The following GRM8 variants were observed in gnomAD, a reference collection of about 807,000 sequenced individuals.
The protein encoded by GRM8 is glutamate metabotropic receptor 8.
In GRM8, 47 loss-of-function variants were observed where a neutral mutation model predicts 87.2. That is an observed-to-expected ratio of 0.54 (90% CI 0.43 to 0.69). The LOEUF (loss-of-function observed/expected upper bound fraction) is 0.69. Ranked by LOEUF, GRM8 falls within the 30% of genes least tolerant of loss-of-function variation. The pLI is 0.00. For missense variants in GRM8, 1,019 were observed against 1,139.2 expected (o/e 0.89, Z 1.52); for synonymous variants, 396 against 404.5 (o/e 0.98, Z 0.25).
At chr7:126,628,253 G>A (rs1408984763) in intron 7 of GRM8, among the ~76,000 whole-genome samples, 1 of 151,864 alleles carries the variant, frequency 6.6e-6, no homozygotes, top group East Asian at 1.9e-4. Flanking sequence ...TCACTGTGTT[G>A]CCAGGATGGT....
chr7:127,108,395 G>C (rs1256299803), intron 2 of GRM8, among the ~76,000 whole-genome samples: 2 of 152,138 alleles, frequency 1.3e-5, no homozygotes, highest in Non-Finnish European at 2.9e-5. Flanking sequence ...AAATAAGTCA[G>C]CCATCTGACT....
At chr7:126,616,121 G>A (rs1396490906) in intron 7 of GRM8, among the ~76,000 whole-genome samples, 1 of 152,068 alleles carries the variant, frequency 6.6e-6, no homozygotes, top group Admixed American at 6.5e-5. Flanking sequence ...CCACATACTT[G>A]GAAGTAAAGC....
chr7:126,527,970 C>T (rs1814137289), intron 9 of GRM8, among the ~76,000 whole-genome samples: 1 of 152,152 alleles, frequency 6.6e-6, no homozygotes, highest in South Asian at 2.1e-4. Flanking sequence ...TTTTGGGAGG[C>T]TAAGGCGGGC....
At chr7:126,808,618 A>G (rs755722577) in intron 6 of GRM8, among the ~76,000 whole-genome samples, 2 of 152,206 alleles carry the variant, frequency 1.3e-5, no homozygotes, top group African/African-American at 2.4e-5. Flanking sequence ...CAAATAATGC[A>G]CAGATTGTTC....
chr7:126,803,920 A>G (rs1230331756), intron 6 of GRM8, among the ~76,000 whole-genome samples: 3 of 152,254 alleles, frequency 2.0e-5, no homozygotes, highest in African/African-American at 7.2e-5. Flanking sequence ...GCACATAGTA[A>G]ATCGTCACTA....
chr7:126,847,229 A>C (rs1176618873), intron 6 of GRM8, among the ~76,000 whole-genome samples: 1 of 152,226 alleles, frequency 6.6e-6, no homozygotes, highest in Non-Finnish European at 1.5e-5. Context: ...ATTTGTTCTT[A>C]TAGAACAACA....
At chr7:127,011,534 G>T (rs1814897348) in intron 3 of GRM8, among the ~76,000 whole-genome samples, 1 of 151,976 alleles carries the variant, frequency 6.6e-6, no homozygotes. Context: ...TTTACTCTGT[G>T]CCTGAAGCCT....
At chr7:127,233,568 G>A (rs1797818207) in intron 2 of GRM8, among the ~76,000 whole-genome samples, 1 of 151,378 alleles carries the variant, frequency 6.6e-6, no homozygotes, top group Admixed American at 6.6e-5. Context: ...GGAAGCAAGA[G>A]TAAGACACTA....
At chr7:126,815,896 A>C (rs939612389) in intron 6 of GRM8, among the ~76,000 whole-genome samples, 2 of 152,094 alleles carry the variant, frequency 1.3e-5, no homozygotes, top group African/African-American at 4.8e-5. Context: ...AATGATGACT[A>C]TATGTACAAC....
At chr7:126,484,439 T>C (rs10242041) in intron 9 of GRM8, among the ~76,000 whole-genome samples, 9,978 of 152,088 alleles carry the variant, frequency 0.066, 996 homozygotes, top group African/African-American at 0.22. Flanking sequence ...TATAGAAATA[T>C]TAATAAGAAG....
intron 6 of GRM8, among the ~76,000 whole-genome samples, chr7:126,779,391 T>C (rs1006598911): frequency 6.6e-6 from 1 of 152,144 alleles, no homozygotes; most frequent in African/African-American, 2.4e-5. Flanking sequence ...ATGCCAATGC[T>C]ACATTTTTAT....
intron 2 of GRM8, among the ~76,000 whole-genome samples, chr7:127,192,655 G>A (rs1795086064): frequency 6.6e-6 from 1 of 152,174 alleles, no homozygotes; most frequent in African/African-American, 2.4e-5. Flanking sequence ...AGGAACCCCT[G>A]GTACCACTGA....
At chr7:126,450,218 CT>C (rs1802464224) in intron 9 of GRM8, among the ~76,000 whole-genome samples, 1 of 151,766 alleles carries the variant, frequency 6.6e-6, no homozygotes, top group Non-Finnish European at 1.5e-5. Context: ...CAGTCTTTTG[CT>C]TTCAACCAGC....
At chr7:126,955,889 A>G (rs1292250715) in intron 3 of GRM8, among the ~76,000 whole-genome samples, 1 of 152,120 alleles carries the variant, frequency 6.6e-6, no homozygotes, top group East Asian at 1.9e-4. Context: ...GATGTTTGCT[A>G]TGGGGGATTT....
intron 7 of GRM8, among the ~76,000 whole-genome samples, chr7:126,723,319 A>T (rs895351079): frequency 5.3e-5 from 8 of 152,076 alleles, no homozygotes; most frequent in Non-Finnish European, 8.8e-5. Context: ...AAATTATGTC[A>T]ATTAAGAATC....
chr7:126,856,887 TAAGAC>T (rs1481005036), intron 6 of GRM8, among the ~76,000 whole-genome samples: 4 of 152,224 alleles, frequency 2.6e-5, no homozygotes, highest in African/African-American at 9.6e-5. Flanking sequence ...ACTTCTTGGC[TAAGAC>T]AATTACCTCT....
At chr7:126,671,910 G>A (rs1304434444) in intron 7 of GRM8, among the ~76,000 whole-genome samples, 1 of 152,044 alleles carries the variant, frequency 6.6e-6, no homozygotes, top group East Asian at 1.9e-4. Context: ...TTTGGCTTAT[G>A]ACAAGGAGTC....
chr7:126,863,698 C>G (rs1431077609), intron 6 of GRM8, among the ~76,000 whole-genome samples: 1 of 152,044 alleles, frequency 6.6e-6, no homozygotes, highest in African/African-American at 2.4e-5. Context: ...TTGAAGTCTT[C>G]TATATTTTTT....
At chr7:127,125,007 C>T (rs181052779) in intron 2 of GRM8, among the ~76,000 whole-genome samples, 17 of 152,158 alleles carry the variant, frequency 1.1e-4, no homozygotes, top group African/African-American at 2.4e-4. Context: ...ATACCCTCAA[C>T]GTGATAATGG....
Sources: gnomAD v4.1 joint callset for allele counts (sites outside exome capture counted in the v4.1 genomes callset) on GRCh38, gnomAD v4.1.1 for gene constraint, MANE v1.5 for transcripts, NCBI Gene and HGNC (gene_info 2026-07-23, HGNC 2026-07-21) for gene names.